The following ANKRD1 variants were observed in gnomAD, a reference collection of about 807,000 sequenced individuals.
The protein encoded by ANKRD1 is ankyrin repeat domain-containing protein 1.
A neutral mutation model predicts 40.1 loss-of-function variants in ANKRD1; 32 were observed. The observed-to-expected ratio is 0.80, with a 90% CI of 0.60 to 1.07. The LOEUF is 1.07. Among genes scored for constraint, ANKRD1 ranks in the 50% least tolerant of loss-of-function variants. The pLI is 0.00. For missense variants in ANKRD1, 359 were observed against 386.0 expected (o/e 0.93, Z 0.59); for synonymous variants, 149 against 141.2 (o/e 1.06, Z -0.39).
chr10:90,917,689 T>A (rs369188562), intron 5 of ANKRD1, 43 bp downstream of exon 5: 2 of 1,553,478 alleles, frequency 1.3e-6, no homozygotes, highest in Admixed American at 3.3e-5. Context: ...CTTCATATAG[T>A]CTACTTCTTT....
In ANKRD1 at chr10:90,918,989, TAA is replaced by T. The variant is rs398014415; in HGVS notation, c.346-19_346-18del. The T allele has an allele frequency of 0.059, 11,974 of 203,512 alleles. 161 individuals carry two copies. Among genetic ancestry groups the T allele is most frequent in the East Asian group, 0.11 (653 of 5,900 alleles). The allele number at this position is 203,512 out of a possible 1,614,324, so 12.6% of individuals were successfully genotyped here. On this transcript the variant is annotated intron_variant, in intron 3 of 8. Coordinates refer to ENST00000371697, the MANE Select transcript of ANKRD1 (RefSeq NM_014391.3). The stretch of plus-strand genomic sequence containing the variant: ...AGGTTCCGTCTAAAGCCAAAATAAA[TAA>T]ATATATATATATATATATATATATA...
chr10:90,920,076 A>G, intron 2 of ANKRD1, 93 bp downstream of exon 2: 4 of 1,544,954 alleles, frequency 2.6e-6, no homozygotes, highest in Non-Finnish European at 3.6e-6. Flanking sequence ...CATCTTAATG[A>G]TTGGGTTTGT....
Position 90,921,047 on chromosome 10 carries a change from T to G in ANKRD1, c.-20A>C. The G allele has an allele frequency of 6.2e-7, 1 of 1,613,824 alleles. No homozygotes were observed. The highest frequency in any genetic ancestry group is 8.5e-7 in the Non-Finnish European group (1 of 1,179,724). ...CATCATGTTGGCTGAAGGAGTCTTG[T>G]ATGTTTTTCTGTCGTGGAAGGAATC... On this transcript the variant is annotated 5_prime_UTR_variant, in exon 1 of 9. Transcript: ENST00000371697.
At chr10:90,914,420 G>T (rs1589508185) in intron 8 of ANKRD1, among the ~76,000 whole-genome samples, 1 of 151,860 alleles carries the variant, frequency 6.6e-6, no homozygotes, top group East Asian at 1.9e-4. Context: ...ATTTGTCTCT[G>T]CTGGTAGTGT....
At chr10:90,917,589 C>T (rs934653265) in intron 5 of ANKRD1, 143 bp downstream of exon 5, 7 of 695,522 alleles carry the variant, frequency 1.0e-5, no homozygotes, top group Non-Finnish European at 1.8e-5. Context: ...TCCCAACTTT[C>T]CTTTATTTGG....
chr10:90,917,174 G>A (rs915099710), intron 5 of ANKRD1, among the ~76,000 whole-genome samples: 10 of 152,056 alleles, frequency 6.6e-5, no homozygotes, highest in Admixed American at 3.3e-4. Context: ...AATACATAAA[G>A]AATTTTCCCA....
chr10:90,913,843 T>C (rs759572796), intron 8 of ANKRD1, among the ~76,000 whole-genome samples: 1 of 152,178 alleles, frequency 6.6e-6, no homozygotes, highest in Non-Finnish European at 1.5e-5. Context: ...GAGCTGGATT[T>C]GTGACTTCTA....
At chr10:90,916,845 G>A (rs903223413) in intron 5 of ANKRD1, among the ~76,000 whole-genome samples, 2 of 152,054 alleles carry the variant, frequency 1.3e-5, no homozygotes, top group Admixed American at 6.6e-5. Flanking sequence ...GGTCCCTGTC[G>A]CTCTTTCTCT....
At chr10:90,915,129 G>A (rs1847355844) in intron 8 of ANKRD1, among the ~76,000 whole-genome samples, 2 of 152,182 alleles carry the variant, frequency 1.3e-5, no homozygotes, top group Non-Finnish European at 2.9e-5. Flanking sequence ...TAGTTCACTG[G>A]CTGCACTGAC....
At chr10:90,914,953 T>C (rs1047114527) in intron 8 of ANKRD1, among the ~76,000 whole-genome samples, 5 of 152,128 alleles carry the variant, frequency 3.3e-5, no homozygotes, top group African/African-American at 1.2e-4. Flanking sequence ...TAGGAAATTA[T>C]TTTGAGAGAT....
Position 90,918,994 on chromosome 10 carries a change from A to ATATATATATATTTTCAC in ANKRD1, c.346-23_346-22insGTGAAAATATATATATA, listed in dbSNP as rs1407880506. 1.2e-5 allele frequency: 2 copies of ATATATATATATTTTCAC among 162,758 alleles called. 1 individual carries two copies. The highest frequency in any genetic ancestry group is 2.1e-4 in the South Asian group (2 of 9,448). The allele number at this position is 162,758 out of a possible 1,614,324, so 10.1% of individuals were successfully genotyped here. A position where few individuals can be genotyped will look rare whatever the true frequency, so the allele number is the denominator to read the frequency against. On this transcript the variant is annotated intron_variant, in intron 3 of 8. Coordinates refer to ENST00000371697, the MANE Select transcript of ANKRD1 (RefSeq NM_014391.3). ...CCGTCTAAAGCCAAAATAAATAAAT[A>ATATATATATATTTTCAC]TATATATATATATATATATATAGCA...
chr10:90,912,809 G>C lies in ANKRD1; in HGVS notation c.*57C>G, dbSNP rs981398941. 128 of 1,460,680 alleles carry C rather than the reference G, an allele frequency of 8.8e-5. 1 individual carries two copies. The highest frequency in any genetic ancestry group is 1.1e-4 in the Non-Finnish European group (111 of 1,040,594). The allele number at this position is 1,460,680 out of a possible 1,614,324, so 90.5% of individuals were successfully genotyped here. Reference sequence around the variant, plus strand: ...TTTTATGGCTAGTGTCTCTTCTCTTGGGCCATGCCTTCAAAATGCCAGTGA... The same window carrying C: ...TTTTATGGCTAGTGTCTCTTCTCTTCGGCCATGCCTTCAAAATGCCAGTGA... On this transcript the variant is annotated 3_prime_UTR_variant, in exon 9 of 9. Coordinates refer to ENST00000371697, the MANE Select transcript of ANKRD1 (RefSeq NM_014391.3).
Position 90,915,592 on chromosome 10 carries a change from A to G in ANKRD1, c.800T>C (p.Met267Thr). 1 of 1,614,104 alleles carries G rather than the reference A, an allele frequency of 6.2e-7. No individual in the cohort carries two copies. Among genetic ancestry groups the G allele is most frequent in the Non-Finnish European group, 8.5e-7 (1 of 1,180,004 alleles). ...HDAVRLNRYK[M>T]IRLLIMYGAD... is the part of the protein sequence containing the mutation. ...GCCATACATAATCAGGAGTCGGATC[A>G]TCTTATAGCGGTTCAGTCTCACCGC... The change falls in exon 8 of 9, where the codon ATG becomes ACG. Residue 267 changes from methionine to threonine, a missense_variant. Coordinates refer to ENST00000371697, the MANE Select transcript of ANKRD1 (RefSeq NM_014391.3).
At chr10:90,917,275 T>G (rs1181614484) in intron 5 of ANKRD1, among the ~76,000 whole-genome samples, 1 of 152,240 alleles carries the variant, frequency 6.6e-6, no homozygotes, top group Non-Finnish European at 1.5e-5. Flanking sequence ...GCAGCTACTT[T>G]CCATAGATGC....
chr10:90,916,368 C>G, intron 5 of ANKRD1, 99 bp from the exon 6 acceptor site: 2 of 862,440 alleles, frequency 2.3e-6, no homozygotes, highest in Non-Finnish European at 2.0e-6. Context: ...GAGTTGTCCC[C>G]ATCTAGATTG....
intron 8 of ANKRD1, 61 bp downstream of exon 8, chr10:90,915,482 T>G: frequency 6.7e-7 from 1 of 1,488,214 alleles, no homozygotes; most frequent in East Asian, 2.3e-5. Context: ...TTCACCTATT[T>G]AAGAAATGCT....
chr10:90,919,083 G>T (rs373715727), intron 3 of ANKRD1, 48 bp downstream of exon 3: 191 of 1,608,944 alleles, frequency 1.2e-4, no homozygotes, highest in Non-Finnish European at 1.5e-4. Context: ...CTCCCCTGTA[G>T]CACAACACTG....
At chr10:90,915,929 C>T in intron 6 of ANKRD1, 49 bp from the exon 7 acceptor site, 2 of 1,576,906 alleles carry the variant, frequency 1.3e-6, no homozygotes, top group African/African-American at 1.4e-5. Context: ...AGGACAGAGG[C>T]TGTCCCAGAC....
At chr10:90,918,590 G>C (rs952112582) in intron 4 of ANKRD1, among the ~76,000 whole-genome samples, 1 of 151,898 alleles carries the variant, frequency 6.6e-6, no homozygotes, top group Non-Finnish European at 1.5e-5. Flanking sequence ...CACATTAAAA[G>C]TCTTATCCCA....
Sources: gnomAD v4.1 joint callset for allele counts (sites outside exome capture counted in the v4.1 genomes callset) on GRCh38, gnomAD v4.1.1 for gene constraint, MANE v1.5 for transcripts, NCBI Gene and HGNC (gene_info 2026-07-23, HGNC 2026-07-21) for gene names.